Variants in SGIP1 observed in about 807,000 individuals in gnomAD.
SGIP1 encodes the protein SH3GL interacting endocytic adaptor 1.
In SGIP1, 38 loss-of-function variants were observed where a neutral mutation model predicts 107.5. That is an observed-to-expected ratio of 0.35 (90% confidence interval 0.27 to 0.46). The LOEUF is 0.46. SGIP1 is among the 20% of genes least tolerant of loss of function. The probability of loss-of-function intolerance (pLI) is 1.00; values close to 1 mark genes in which losing one functional copy is unlikely to be tolerated. For missense variants in SGIP1, 929 were observed against 1,019.5 expected (o/e 0.91, Z 1.21); for synonymous variants, 365 against 366.1 (o/e 1.00, Z 0.03).
intron 20 of SGIP1, 110 bp downstream of exon 20, chr1:66,729,529 C>T: frequency 7.5e-7 from 1 of 1,326,114 alleles, no homozygotes; most frequent in Non-Finnish European, 1.0e-6. Context: ...AAATTACCAC[C>T]ACTCAGATAT....
chr1:66,625,742 A>G, intron 1 of SGIP1, 105 bp from the exon 2 acceptor site: 1 of 952,700 alleles, frequency 1.0e-6, no homozygotes, highest in Non-Finnish European at 1.6e-6. Flanking sequence ...CAGAAACTTC[A>G]TTGCTTTCTA....
intron 1 of SGIP1, among the ~76,000 whole-genome samples, chr1:66,567,797 G>A (rs1474246805): frequency 4.6e-5 from 7 of 151,884 alleles, no homozygotes; most frequent in Non-Finnish European, 7.4e-5. Flanking sequence ...CACATTTGTC[G>A]AAGATCAGAT....
At chr1:66,600,996 A>G (rs541551745) in intron 1 of SGIP1, among the ~76,000 whole-genome samples, 1 of 152,292 alleles carries the variant, frequency 6.6e-6, no homozygotes, top group South Asian at 2.1e-4. Context: ...TTTTCCTACT[A>G]GTCTAAACGA....
At chr1:66,598,155 T>C (rs1424874606) in intron 1 of SGIP1, among the ~76,000 whole-genome samples, 1 of 152,218 alleles carries the variant, frequency 6.6e-6, no homozygotes, top group Non-Finnish European at 1.5e-5. Flanking sequence ...CTTGATTTGA[T>C]AGTAAAGGGG....
chr1:66,729,554 G>A (rs1218460279), intron 20 of SGIP1, 135 bp downstream of exon 20: 2 of 1,205,446 alleles, frequency 1.7e-6, no homozygotes, highest in Non-Finnish European at 2.3e-6. Flanking sequence ...GTAGATTCAA[G>A]CACAGAACTT....
intron 1 of SGIP1, among the ~76,000 whole-genome samples, chr1:66,606,729 A>G (rs1239996810): frequency 6.6e-6 from 1 of 152,218 alleles, no homozygotes; most frequent in Admixed American, 6.5e-5. Flanking sequence ...CTGCCAAGAT[A>G]ATTTATCATT....
chr1:66,535,640 G>A (rs534186050), intron 1 of SGIP1, among the ~76,000 whole-genome samples: 1 of 152,280 alleles, frequency 6.6e-6, no homozygotes, highest in East Asian at 1.9e-4. Context: ...GAGAGGTTGG[G>A]TATGATTTTG....
intron 7 of SGIP1, among the ~76,000 whole-genome samples, chr1:66,654,160 G>A (rs548604409): frequency 1.3e-5 from 2 of 152,220 alleles, no homozygotes; most frequent in South Asian, 4.2e-4. Flanking sequence ...CTGCTATAAT[G>A]CAACTTACAT....
rs570483297 is a variant in SGIP1, at chr1:66,747,654, A to G, written c.*4559A>G. 1 of 152,172 alleles carries G rather than the reference A, an allele frequency of 6.6e-6. No individual in the cohort carries two copies. Among genetic ancestry groups the G allele is most frequent in the Non-Finnish European group, 1.5e-5 (1 of 67,872 alleles). 9.4% of individuals were successfully genotyped at this position (152,172 alleles called of 1,614,324 possible). On this transcript the variant is annotated 3_prime_UTR_variant, in exon 25 of 25. Coordinates refer to ENST00000371037, the MANE Select transcript of SGIP1 (RefSeq NM_032291.4). ...TATTTTGTAAGCTTTTGACTTTACA[A>G]ACATGTGGTAGCCTCATTCTAAAAG...
intron 1 of SGIP1, among the ~76,000 whole-genome samples, chr1:66,608,637 A>G (rs2067311528): frequency 6.6e-6 from 1 of 152,116 alleles, no homozygotes; most frequent in Non-Finnish European, 1.5e-5. Flanking sequence ...ATGATGTTTC[A>G]TTTCCCCTCT....
Position 66,739,346 on chromosome 1 carries a change from G to C in SGIP1, c.2043G>C (p.Gln681His). 6.2e-7 allele frequency: 1 copy of C among 1,607,500 alleles called. No homozygotes were observed. The highest frequency in any genetic ancestry group is 1.1e-5 in the South Asian group (1 of 90,970). Residue 681 changes from glutamine to histidine, a missense_variant, in exon 22 of 25, where the codon CAG (glutamine) becomes CAC (histidine). Physicochemically the swap from Gln to His is conservative, Grantham distance 24. Transcript: ENST00000371037. ...TGTCGTTCGGCAAGGTGTCTGCCCA[G>C]GGCATTCAGTCCACACCTCTGAACC... Reference protein sequence around the residue: ...VDMLKYQVSAQGIQSTPLNLA... With the variant: ...VDMLKYQVSAHGIQSTPLNLA...
intron 21 of SGIP1, among the ~76,000 whole-genome samples, chr1:66,737,421 G>A (rs752317035): frequency 2.0e-5 from 3 of 152,108 alleles, no homozygotes; most frequent in African/African-American, 4.8e-5. Flanking sequence ...GGCTGCGCAC[G>A]GTGGCTCATG....
chr1:66,688,952 T>C (rs1181955074), intron 15 of SGIP1, among the ~76,000 whole-genome samples, 196 bp from the exon 16 acceptor site: 3 of 148,832 alleles, frequency 2.0e-5, no homozygotes, highest in Admixed American at 1.4e-4. Context: ...GCTTCTACCA[T>C]CAACCATAGC....
chr1:66,717,528 A>G (rs1190988438), intron 18 of SGIP1, among the ~76,000 whole-genome samples: 4 of 152,092 alleles, frequency 2.6e-5, no homozygotes, highest in African/African-American at 9.7e-5. Flanking sequence ...TTCCTTTTAA[A>G]ATTTAGAGCT....
chr1:66,636,376 G>T (rs1246335930), intron 4 of SGIP1, among the ~76,000 whole-genome samples: 3 of 152,214 alleles, frequency 2.0e-5, no homozygotes, highest in Non-Finnish European at 2.9e-5. Context: ...CTTAGGATAA[G>T]CACTGTCTCA....
At chr1:66,580,902 G>T (rs531466782) in intron 1 of SGIP1, among the ~76,000 whole-genome samples, 1 of 152,114 alleles carries the variant, frequency 6.6e-6, no homozygotes, top group East Asian at 1.9e-4. Flanking sequence ...ACTAAAAAAT[G>T]AGCTGTTGTA....
At chr1:66,640,483 C>T (rs1295308331) in intron 5 of SGIP1, among the ~76,000 whole-genome samples, 2 of 152,222 alleles carry the variant, frequency 1.3e-5, no homozygotes, top group East Asian at 1.9e-4. Context: ...TACATAGAGG[C>T]TAACAGGCTG....
intron 1 of SGIP1, among the ~76,000 whole-genome samples, chr1:66,542,748 T>G (rs902635769): frequency 6.6e-6 from 1 of 152,274 alleles, no homozygotes; most frequent in Non-Finnish European, 1.5e-5. Context: ...CCACAGAAAA[T>G]GAAACCTTGG....
At chr1:66,722,137 T>G (rs1291196910) in intron 19 of SGIP1, among the ~76,000 whole-genome samples, 1 of 152,094 alleles carries the variant, frequency 6.6e-6, no homozygotes, top group East Asian at 1.9e-4. Flanking sequence ...TCATGGCGTC[T>G]CTCTTCCATC....
Sources: allele counts gnomAD v4.1 joint callset (sites outside exome capture counted in the v4.1 genomes callset), GRCh38; gene constraint gnomAD v4.1.1; transcripts MANE v1.5; gene names NCBI Gene and HGNC (gene_info 2026-07-23, HGNC 2026-07-21).